The following MET variants were observed in gnomAD, a reference collection of about 807,000 sequenced individuals.
MET encodes hepatocyte growth factor receptor.
MET carries 48 observed loss-of-function variants against 133.1 expected under a neutral mutation model. The observed-to-expected ratio is 0.36, with a 90% CI of 0.29 to 0.46. The LOEUF (loss-of-function observed/expected upper bound fraction) is 0.46. Ranked by LOEUF, MET falls within the 20% of genes least tolerant of loss-of-function variation. MET has a pLI of 1.00. For synonymous variants in MET, 628 were observed against 616.5 expected, an observed-to-expected ratio of 1.02 and a Z score of -0.28; for missense variants, 1,442 against 1,695.9, an observed-to-expected ratio of 0.85 and a Z score of 2.63.
At chr7:116,702,256 T>C (rs1259013135) in intron 2 of MET, among the ~76,000 whole-genome samples, 5 of 152,164 alleles carry the variant, frequency 3.3e-5, no homozygotes, top group Non-Finnish European at 4.4e-5. Context: ...AACATAGTCT[T>C]CTTACAAAGG....
In MET at chr7:116,741,017, A is replaced by G. The variant is rs745479104; in HGVS notation, c.1693A>G (p.Ile565Val). 13 of 1,612,944 alleles carry G rather than the reference A, an allele frequency of 8.1e-6. No homozygotes were observed. The South Asian group carries it at 8.8e-5, about 11-fold the overall frequency. ...TWTQQICLPA[I>V]YKVFPNSAPL... Reference sequence around the variant, plus strand: ...GACTCAACAGATCTGTCTGCCTGCAATCTACAAGGTAGGAATCTCTAACAG... The same window carrying G: ...GACTCAACAGATCTGTCTGCCTGCAGTCTACAAGGTAGGAATCTCTAACAG... Residue 565 changes from isoleucine to valine, a missense_variant, in exon 5 of 21, where the codon ATC (isoleucine) becomes GTC (valine). Around this residue, in one of 6 missense-constraint regions of MET, gnomAD observed 762 missense variants for 792.4 expected, o/e 0.96. Transcript: ENST00000397752.
chr7:116,778,127 T>G (rs1445324911), intron 16 of MET, among the ~76,000 whole-genome samples: 2 of 152,234 alleles, frequency 1.3e-5, no homozygotes, highest in Non-Finnish European at 2.9e-5. Context: ...AAACTAAGTC[T>G]TTATTGGTGA....
chr7:116,680,679 C>T (rs974391728), intron 1 of MET, among the ~76,000 whole-genome samples: 2 of 152,100 alleles, frequency 1.3e-5, no homozygotes, highest in African/African-American at 2.4e-5. Context: ...CAGTGGCTCA[C>T]GCTTGTAATC....
intron 2 of MET, among the ~76,000 whole-genome samples, chr7:116,715,695 T>C (rs562619748): frequency 1.3e-5 from 2 of 152,340 alleles, no homozygotes; most frequent in Admixed American, 1.3e-4. Flanking sequence ...TATGTAGATA[T>C]GTGTTTTCCC....
chr7:116,726,143 G>GTATATATA (rs1301312767), intron 2 of MET, among the ~76,000 whole-genome samples: 3 of 7,810 alleles, frequency 3.8e-4, no homozygotes, highest in Non-Finnish European at 5.4e-4. Flanking sequence ...CTATATATAT[G>GTATATATA]TATATATATA....
In MET at chr7:116,771,554, G is replaced by C. The variant is rs908653562; in HGVS notation, c.2787G>C (p.Gln929His). 2.5e-6 allele frequency: 4 copies of C among 1,613,824 alleles called. No homozygotes were observed. Among genetic ancestry groups the C allele is most frequent in the African/African-American group, 2.7e-5 (2 of 74,916 alleles). Residue 929 changes from glutamine to histidine, a missense_variant, in exon 13 of 21, where the codon CAG becomes CAC. Transcript: ENST00000397752. ...VLGKVIVQPD[Q>H]NFTGLIAGVV... ...GAAAAGTAATAGTTCAACCAGATCA[G>C]AATTTCACAGGATTGATTGCTGGTG...
chr7:116,770,944 C>G (rs770168163), intron 12 of MET, among the ~76,000 whole-genome samples: 8 of 152,052 alleles, frequency 5.3e-5, no homozygotes, highest in Non-Finnish European at 1.2e-4. Flanking sequence ...TTCAGAAGGA[C>G]CATAAATCCT....
intron 2 of MET, among the ~76,000 whole-genome samples, chr7:116,707,133 C>A (rs887897981): frequency 1.3e-5 from 2 of 151,954 alleles, no homozygotes; most frequent in African/African-American, 4.8e-5. Flanking sequence ...GTGTAGCTAC[C>A]CATATATACT....
At chr7:116,777,678 G>A (rs888677055) in intron 16 of MET, among the ~76,000 whole-genome samples, 1 of 152,174 alleles carries the variant, frequency 6.6e-6, no homozygotes, top group Admixed American at 6.5e-5. Context: ...TCATTAGTAA[G>A]GGGGTAGGAG....
chr7:116,794,428 G>A (rs1178019868), intron 19 of MET, among the ~76,000 whole-genome samples: 2 of 152,160 alleles, frequency 1.3e-5, no homozygotes, highest in Non-Finnish European at 2.9e-5. Context: ...TCCTGGCAAG[G>A]GGTTTGAGTT....
chr7:116,724,751 G>A (rs752229925), intron 2 of MET: 26 of 1,133,356 alleles, frequency 2.3e-5, no homozygotes, highest in South Asian at 1.8e-4. Flanking sequence ...AAATCAATTC[G>A]CTCAACCTCT....
chr7:116,710,629 C>T (rs949318941), intron 2 of MET, among the ~76,000 whole-genome samples: 3 of 151,712 alleles, frequency 2.0e-5, no homozygotes, highest in African/African-American at 4.8e-5. Context: ...TCACTATTTG[C>T]GGCACAGTTA....
At chr7:116,700,743 A>G (rs550303394) in intron 2 of MET, among the ~76,000 whole-genome samples, 91 of 152,206 alleles carry the variant, frequency 6.0e-4, no homozygotes, top group Non-Finnish European at 1.0e-3. Flanking sequence ...TCCTTATGAG[A>G]TTATATTCTC....
At chr7:116,685,251 C>T (rs936170881) in intron 1 of MET, among the ~76,000 whole-genome samples, 1 of 152,266 alleles carries the variant, frequency 6.6e-6, no homozygotes, top group Middle Eastern at 3.4e-3. Flanking sequence ...AGATCCCATC[C>T]ACTCTCATGG....
chr7:116,693,798 T>A (rs1019507641), intron 1 of MET, among the ~76,000 whole-genome samples: 1 of 152,224 alleles, frequency 6.6e-6, no homozygotes, highest in Non-Finnish European at 1.5e-5. Context: ...GACACTTAGA[T>A]GCTTATAAGT....
Position 116,763,198 on chromosome 7 carries a change from A to G in MET, c.2513A>G (p.Asn838Ser). Residue 838 changes from asparagine to serine, a missense_variant, in exon 11 of 21, where the codon AAT becomes AGT. This residue lies in a region of MET where 514 missense variants were observed against 659.6 expected (regional missense o/e 0.78). Transcript: ENST00000397752. The part of the protein sequence containing the change: ...SKYFDLIYVH[N>S]PVFKPFEKPV... Reference sequence around the variant, plus strand: ...TACTTTGATCTCATTTATGTACATAATCCTGTGTTTAAGCCTTTTGAAAAG... The same window carrying G: ...TACTTTGATCTCATTTATGTACATAGTCCTGTGTTTAAGCCTTTTGAAAAG... 6.2e-7 allele frequency: 1 copy of G among 1,614,062 alleles called. No individual in the cohort carries two copies. Among genetic ancestry groups the G allele is most frequent in the Non-Finnish European group, 8.5e-7 (1 of 1,179,992 alleles).
intron 3 of MET, among the ~76,000 whole-genome samples, chr7:116,733,589 C>T (rs892858706): frequency 3.9e-5 from 6 of 151,986 alleles, no homozygotes; most frequent in Admixed American, 6.5e-5. Flanking sequence ...ATTATAGAAA[C>T]GCTGTAGCAA....
intron 15 of MET, among the ~76,000 whole-genome samples, chr7:116,775,398 C>T (rs1192989958): frequency 3.9e-5 from 6 of 152,068 alleles, no homozygotes; most frequent in Admixed American, 3.3e-4. Context: ...TCAAAGGTGC[C>T]ATTTACTTTC....
At chr7:116,732,734 A>G (rs1793067019) in intron 3 of MET, among the ~76,000 whole-genome samples, 2 of 152,180 alleles carry the variant, frequency 1.3e-5, no homozygotes. Flanking sequence ...TGAGAATGAT[A>G]AGCTTTTCCT....
Sources: allele counts gnomAD v4.1 joint callset (sites outside exome capture counted in the v4.1 genomes callset), GRCh38; gene constraint gnomAD v4.1.1; regional missense constraint gnomAD v4.1.1; transcripts MANE v1.5; gene names NCBI Gene and HGNC (gene_info 2026-07-23, HGNC 2026-07-21).